Variants in RRAGD observed in about 807,000 individuals in gnomAD.
RRAGD encodes the protein ras-related GTP-binding protein D.
Under a neutral mutation model 35.5 loss-of-function variants are expected in RRAGD, and 12 were observed. The ratio of observed to expected loss-of-function variants is 0.34; its 90% confidence interval spans 0.22 to 0.55. RRAGD has a LOEUF of 0.55. RRAGD is among the 20% of genes least tolerant of loss of function. The probability of loss-of-function intolerance (pLI) is 0.91; values close to 1 mark genes in which losing one functional copy is unlikely to be tolerated. For missense variants in RRAGD, 324 were observed against 490.1 expected, an observed-to-expected ratio of 0.66 and a Z score of 3.20; for synonymous variants, 155 against 178.9, an observed-to-expected ratio of 0.87 and a Z score of 1.07.
intron 2 of RRAGD, among the ~76,000 whole-genome samples, chr6:89,386,302 C>T (rs1161127445): frequency 6.6e-6 from 1 of 152,202 alleles, no homozygotes; most frequent in Non-Finnish European, 1.5e-5. Context: ...ATCTGCCTGA[C>T]ACACTTGTGG....
At chr6:89,383,558 A>AC (rs1470545911) in intron 2 of RRAGD, among the ~76,000 whole-genome samples, 1 of 152,218 alleles carries the variant, frequency 6.6e-6, no homozygotes, top group Non-Finnish European at 1.5e-5. Flanking sequence ...AAGCACCAGC[A>AC]CAGGTCAAGA....
At position 89,411,862 on chromosome 6, in the gene RRAGD, G is replaced by A. The variant is rs774480451; in HGVS notation, c.132C>T (p.Ser44=). ...GGCGCTCACCTCCCTCCTCTGTGCC[G>A]CTGTCCGGATCGGCGTCGGAGGAGT... The part of the protein sequence containing the change: ...GPDSSDADPD[S]GTEEGVLDFS... The change falls in exon 1 of 7, where the codon AGC becomes AGT. Residue 44 remains serine (S), a synonymous_variant. Coordinates refer to ENST00000369415, the MANE Select transcript of RRAGD (RefSeq NM_021244.5). The surrounding 1 kb of genome is among the most constrained non-coding windows in gnomAD (Gnocchi z 5.6). The A allele has an allele frequency of 3.9e-6, 6 of 1,551,536 alleles. No individual in the cohort carries two copies. Among genetic ancestry groups the A allele is most frequent in the Admixed American group, 1.9e-5 (1 of 52,554 alleles).
At position 89,372,473 on chromosome 6, in the gene RRAGD, C is replaced by G; in HGVS notation, c.1015G>C (p.Val339Leu). ...AAGCTTTCCTCTCTGACAAAGCAAA[C>G]GAGAGCCAGGAACTTTGTCACCTCT... ...LKEVTKFLAL[V>L]CFVREESFER... The change falls in exon 6 of 7, where the codon GTT becomes CTT. Residue 339 changes from valine (V) to leucine (L), a missense_variant. By Grantham distance (32) the Val-to-Leu change is conservative. Transcript: ENST00000369415. 3 of 1,613,620 alleles carry G rather than the reference C, an allele frequency of 1.9e-6. No individual in the cohort carries two copies. Among genetic ancestry groups the G allele is most frequent in the Non-Finnish European group, 1.7e-6 (2 of 1,179,866 alleles).
intron 1 of RRAGD, among the ~76,000 whole-genome samples, chr6:89,394,058 A>G (rs1255987831): frequency 1.3e-5 from 2 of 152,240 alleles, no homozygotes; most frequent in African/African-American, 2.4e-5. Flanking sequence ...AATAAGATTC[A>G]GAAGAACCAT....
chr6:89,402,381 T>G (rs1769488889), intron 1 of RRAGD, among the ~76,000 whole-genome samples: 1 of 152,088 alleles, frequency 6.6e-6, no homozygotes, highest in Non-Finnish European at 1.5e-5. Context: ...GAGATTAATA[T>G]GATTTACATT....
At chr6:89,371,684 T>A (rs1377175827) in intron 6 of RRAGD, among the ~76,000 whole-genome samples, 1 of 152,214 alleles carries the variant, frequency 6.6e-6, no homozygotes, top group South Asian at 2.1e-4. Flanking sequence ...ATTCAGGATA[T>A]GTAACTATTT....
At position 89,411,835 on chromosome 6, in the gene RRAGD, C is replaced by A. The variant is rs1471645329; in HGVS notation, c.148+11G>T. On this transcript the variant is annotated intron_variant, in intron 1 of 6. Transcript: ENST00000369415. The surrounding 1 kb of genome is among the most constrained non-coding windows in gnomAD (Gnocchi z 5.6). ...GGGCGCGAGCCGAGGACGCGGGGGC[C>A]GGGCGCTCACCTCCCTCCTCTGTGC... 3 of 1,546,960 alleles carry A rather than the reference C, an allele frequency of 1.9e-6. No individual in the cohort carries two copies. The highest frequency in any genetic ancestry group is 2.3e-5 in the South Asian group (2 of 85,254).
Position 89,372,478 on chromosome 6 carries a change from G to A in RRAGD, c.1010C>T (p.Ala337Val). 1 of 1,613,644 alleles carries A rather than the reference G, an allele frequency of 6.2e-7. No homozygotes were observed. The highest frequency in any genetic ancestry group is 8.5e-7 in the Non-Finnish European group (1 of 1,179,866). The change falls in exon 6 of 7, where the codon GCT becomes GTT. Residue 337 changes from alanine (A) to valine (V), a missense_variant. Ala to Val is a moderately conservative substitution (Grantham distance 64). Coordinates refer to ENST00000369415, the MANE Select transcript of RRAGD (RefSeq NM_021244.5). ...TTCCTCTCTGACAAAGCAAACGAGAGCCAGGAACTTTGTCACCTCTTTTAA... is the reference window on the plus strand; with the variant it reads ...TTCCTCTCTGACAAAGCAAACGAGAACCAGGAACTTTGTCACCTCTTTTAA... ...LYLKEVTKFL[A>V]LVCFVREESF... is the part of the protein sequence containing the mutation.
intron 1 of RRAGD, among the ~76,000 whole-genome samples, chr6:89,396,885 G>A (rs1769344921): frequency 6.6e-6 from 1 of 151,360 alleles, no homozygotes; most frequent in African/African-American, 2.4e-5. Context: ...GGGATTACAG[G>A]TGTGCACCAC....
chr6:89,409,459 AT>A (rs1769653000), intron 1 of RRAGD, among the ~76,000 whole-genome samples: 1 of 152,230 alleles, frequency 6.6e-6, no homozygotes, highest in South Asian at 2.1e-4. Flanking sequence ...TTCAAAGTAC[AT>A]CTTTTCTCAG....
intron 6 of RRAGD, 52 bp downstream of exon 6, chr6:89,372,379 TGCAGTA>T (rs1768868716): frequency 1.3e-5 from 20 of 1,522,808 alleles, no homozygotes; most frequent in Non-Finnish European, 1.8e-5. Flanking sequence ...AAACAATACA[TGCAGTA>T]GCAGTCTGAT....
chr6:89,375,719 A>G (rs1768923363), intron 5 of RRAGD, among the ~76,000 whole-genome samples: 1 of 152,238 alleles, frequency 6.6e-6, no homozygotes, highest in South Asian at 2.1e-4. Flanking sequence ...TGCTCCAGCA[A>G]ACAATCTGAG....
At chr6:89,387,202 G>A (rs564206016) in intron 2 of RRAGD, 93 bp downstream of exon 2, 944 of 1,242,238 alleles carry the variant, frequency 7.6e-4, no homozygotes, top group Admixed American at 1.7e-3. Flanking sequence ...TGGTAGAAAG[G>A]CCTATTCCAG....
intron 6 of RRAGD, among the ~76,000 whole-genome samples, chr6:89,369,327 T>C (rs987281740): frequency 2.0e-5 from 3 of 152,240 alleles, no homozygotes; most frequent in Non-Finnish European, 2.9e-5. Flanking sequence ...GCAATTTGAA[T>C]ATGAGATGTG....
At chr6:89,374,730 CA>C (rs879770049) in intron 5 of RRAGD, among the ~76,000 whole-genome samples, 207 of 130,690 alleles carry the variant, frequency 1.6e-3, no homozygotes, top group Non-Finnish European at 1.4e-3. Flanking sequence ...AACTCCATCT[CA>C]AAAAAAAAAA....
rs1769682733 is a variant in RRAGD, at chr6:89,411,096, TA to T, written c.148+749del. Among the ~76,000 whole-genome samples the T allele has an allele frequency of 6.6e-6, 1 of 152,214 alleles. No individual in the cohort carries two copies. Among genetic ancestry groups the T allele is most frequent in the South Asian group, 2.1e-4 (1 of 4,834 alleles). On this transcript the variant is annotated intron_variant, in intron 1 of 6. Transcript: ENST00000369415. The surrounding 1 kb of genome is among the most constrained non-coding windows in gnomAD (Gnocchi z 5.6). ...AAGCCCCCACAAGCTGAACGATTGC[TA>T]AAACCCGCTTCTAGAACAGGAAAAA...
At chr6:89,379,858 A>C (rs965117467) in intron 3 of RRAGD, among the ~76,000 whole-genome samples, 3 of 152,222 alleles carry the variant, frequency 2.0e-5, no homozygotes, top group Non-Finnish European at 2.9e-5. Context: ...ATCTTTATCA[A>C]GAACTGTAAA....
rs767639305 is a variant in RRAGD at position 89,368,029 on chromosome 6, T to G, written c.*27A>C. Reference sequence around the variant, plus strand: ...CAGCAGCCTCATGGATAAGGTCTGATTTCAAAAGACATTCCTGAAACCTCA... The same window carrying G: ...CAGCAGCCTCATGGATAAGGTCTGAGTTCAAAAGACATTCCTGAAACCTCA... On this transcript the variant is annotated 3_prime_UTR_variant, in exon 7 of 7. Coordinates refer to ENST00000369415, the MANE Select transcript of RRAGD (RefSeq NM_021244.5). 2 of 1,572,428 alleles carry G rather than the reference T, an allele frequency of 1.3e-6. No homozygotes were observed. Among genetic ancestry groups the G allele is most frequent in the Admixed American group, 1.9e-5 (1 of 53,114 alleles).
At chr6:89,407,370 G>T (rs1769601663) in intron 1 of RRAGD, among the ~76,000 whole-genome samples, 1 of 152,226 alleles carries the variant, frequency 6.6e-6, no homozygotes, top group Non-Finnish European at 1.5e-5. Context: ...GGGCGCGGTG[G>T]CTCATGCCTG....
Sources: gnomAD v4.1 joint callset for allele counts (sites outside exome capture counted in the v4.1 genomes callset) on GRCh38, gnomAD v4.1.1 for gene constraint, Gnocchi (gnomAD v3.1) non-coding constraint, MANE v1.5 for transcripts, NCBI Gene and HGNC (gene_info 2026-07-23, HGNC 2026-07-21) for gene names.